The following VPS41 variants were observed in gnomAD, a reference collection of about 807,000 sequenced individuals.
The protein encoded by VPS41 is vacuolar protein sorting-associated protein 41 homolog.
VPS41 carries 85 observed loss-of-function variants against 130.9 expected under a neutral mutation model. The ratio of observed to expected loss-of-function variants is 0.65; its 90% CI spans 0.55 to 0.78. The LOEUF is 0.78. Among genes scored for constraint, VPS41 ranks in the 30% least tolerant of loss-of-function variants. The pLI is 0.00. For synonymous variants in VPS41, 335 were observed against 332.9 expected (o/e 1.01, Z -0.07); for missense variants, 874 against 1,018.7 (o/e 0.86, Z 1.93).
chr7:38,868,101 G>A (rs891017886), intron 3 of VPS41, among the ~76,000 whole-genome samples: 5 of 152,174 alleles, frequency 3.3e-5, no homozygotes, highest in African/African-American at 1.2e-4. Context: ...ACCATCCAAA[G>A]TGTGGCCTTA....
intron 2 of VPS41, among the ~76,000 whole-genome samples, chr7:38,881,877 G>A (rs925202168): frequency 1.3e-5 from 2 of 151,908 alleles, no homozygotes; most frequent in Non-Finnish European, 2.9e-5. Flanking sequence ...CTATCCTCAC[G>A]AAAGTGCCTT....
intron 4 of VPS41, among the ~76,000 whole-genome samples, chr7:38,838,489 T>C (rs1314629293): frequency 1.3e-5 from 2 of 152,206 alleles, no homozygotes; most frequent in African/African-American, 2.4e-5. Flanking sequence ...TGGCCTCAGC[T>C]GTATTTTCCA....
chr7:38,745,812 C>T, intron 22 of VPS41, 199 bp from the exon 23 acceptor site: 1 of 526,092 alleles, frequency 1.9e-6, no homozygotes, highest in Non-Finnish European at 3.3e-6. Context: ...CTACACAATT[C>T]AATTTAAAAC....
chr7:38,850,682 C>T (rs1467718769), intron 4 of VPS41, among the ~76,000 whole-genome samples: 1 of 152,050 alleles, frequency 6.6e-6, no homozygotes. Context: ...CATGAGCCAC[C>T]CCTGATCAAT....
chr7:38,891,672 A>T (rs1248623369), intron 2 of VPS41, among the ~76,000 whole-genome samples: 2 of 152,236 alleles, frequency 1.3e-5, no homozygotes, highest in Non-Finnish European at 2.9e-5. Flanking sequence ...TTTTATAAAA[A>T]GCTTTTTAAA....
In VPS41 at chr7:38,753,498, T is replaced by C. The variant is rs556884909; in HGVS notation, c.1789-1185A>G. Among the ~76,000 whole-genome samples, 4 of 152,180 alleles carry C rather than the reference T, an allele frequency of 2.6e-5. No homozygotes were observed. In the South Asian group the frequency reaches 8.3e-4, roughly 32 times the overall value. ...GTTAGCGGGGATATGTGGTGCTGTT[T>C]CCCAGAGTGCAAAAAGGACAGGGAG... On this transcript the variant is annotated intron_variant, in intron 21 of 28. Coordinates refer to ENST00000310301, the MANE Select transcript of VPS41 (RefSeq NM_014396.4).
chr7:38,731,555 T>C (rs1477365266), intron 25 of VPS41, among the ~76,000 whole-genome samples: 2 of 152,174 alleles, frequency 1.3e-5, no homozygotes, highest in African/African-American at 4.8e-5. Context: ...ATGACTGCTA[T>C]GTTTCAAGGT....
intron 1 of VPS41, among the ~76,000 whole-genome samples, chr7:38,905,344 T>C (rs1257162279): frequency 3.3e-5 from 5 of 152,192 alleles, no homozygotes; most frequent in Non-Finnish European, 2.9e-5. Flanking sequence ...ATAAATCGTT[T>C]TGGAGCTAAG....
chr7:38,771,049 T>TA (rs1198918236), intron 14 of VPS41, 149 bp downstream of exon 14: 5 of 648,740 alleles, frequency 7.7e-6, no homozygotes, highest in Admixed American at 3.0e-5. Flanking sequence ...ACTGATTTGA[T>TA]AAAATATTTT....
chr7:38,779,171 A>C (rs1044019355), intron 10 of VPS41, among the ~76,000 whole-genome samples: 3 of 152,236 alleles, frequency 2.0e-5, no homozygotes, highest in Non-Finnish European at 4.4e-5. Context: ...GAGAATTAAT[A>C]ATTTGGACAC....
intron 25 of VPS41, among the ~76,000 whole-genome samples, chr7:38,730,847 T>C (rs1364535272): frequency 1.3e-5 from 2 of 152,150 alleles, no homozygotes; most frequent in Non-Finnish European, 2.9e-5. Context: ...GCATGAATTA[T>C]ATAAGAGAAA....
At chr7:38,764,370 AT>A (rs1320248105) in intron 16 of VPS41, among the ~76,000 whole-genome samples, 1 of 152,182 alleles carries the variant, frequency 6.6e-6, no homozygotes, top group East Asian at 1.9e-4. Flanking sequence ...GAGATGCGAG[AT>A]GGCGTCACTG....
At chr7:38,870,240 C>T (rs1786320941) in intron 2 of VPS41, among the ~76,000 whole-genome samples, 1 of 152,164 alleles carries the variant, frequency 6.6e-6, no homozygotes. Context: ...GCTTGTTACA[C>T]AGCTACTTTT....
At chr7:38,786,651 G>GA (rs968809998) in intron 10 of VPS41, among the ~76,000 whole-genome samples, 1 of 151,766 alleles carries the variant, frequency 6.6e-6, no homozygotes, top group African/African-American at 2.4e-5. Flanking sequence ...CAAAATGTTA[G>GA]AAAAAAAATT....
intron 2 of VPS41, among the ~76,000 whole-genome samples, chr7:38,882,643 A>C (rs576684749): frequency 6.6e-6 from 1 of 152,292 alleles, no homozygotes; most frequent in South Asian, 2.1e-4. Context: ...CACCCTGAGC[A>C]CCAAAACTAA....
At chr7:38,838,806 T>A (rs1234024837) in intron 4 of VPS41, among the ~76,000 whole-genome samples, 5 of 152,224 alleles carry the variant, frequency 3.3e-5, no homozygotes, top group Non-Finnish European at 7.3e-5. Flanking sequence ...ACACTTAGTA[T>A]GGATTATGTC....
At chr7:38,823,283 T>C (rs1785211864) in intron 5 of VPS41, among the ~76,000 whole-genome samples, 1 of 152,166 alleles carries the variant, frequency 6.6e-6, no homozygotes. Flanking sequence ...ACATAATTCA[T>C]CCCTTCTGCC....
chr7:38,799,918 G>A (rs1784692856), intron 7 of VPS41, among the ~76,000 whole-genome samples: 1 of 152,080 alleles, frequency 6.6e-6, no homozygotes. Context: ...TGGGTATGTG[G>A]GGTGGGGGGT....
intron 2 of VPS41, among the ~76,000 whole-genome samples, chr7:38,871,341 C>T (rs573211082): frequency 8.0e-4 from 122 of 152,284 alleles, no homozygotes; most frequent in Middle Eastern, 6.8e-3. Context: ...GAAGTCTTCA[C>T]CTGTGGGGCA....
Sources: gnomAD v4.1 joint callset for allele counts (sites outside exome capture counted in the v4.1 genomes callset) on GRCh38, gnomAD v4.1.1 for gene constraint, MANE v1.5 for transcripts, NCBI Gene and HGNC (gene_info 2026-07-23, HGNC 2026-07-21) for gene names.